RUNX1T1: variants seen among roughly 807,000 people sequenced by gnomAD.
RUNX1T1 encodes the protein protein CBFA2T1.
In RUNX1T1, 4 loss-of-function variants were observed where a neutral mutation model predicts 62.8. The ratio of observed to expected loss-of-function variants is 0.06; its 90% CI spans 0.03 to 0.15. The LOEUF is 0.15. Among genes scored for constraint, RUNX1T1 ranks in the 10% least tolerant of loss-of-function variants. The probability of loss-of-function intolerance (pLI) is 1.00; values close to 1 mark genes in which losing one functional copy is unlikely to be tolerated. For synonymous variants in RUNX1T1, 291 were observed against 286.0 expected (o/e 1.02, Z -0.18); for missense variants, 508 against 754.3 (o/e 0.67, Z 3.82).
intron 10 of RUNX1T1, among the ~76,000 whole-genome samples, chr8:91,970,377 G>A (rs1174410701): frequency 1.3e-5 from 2 of 152,042 alleles, no homozygotes; most frequent in Non-Finnish European, 2.9e-5. Flanking sequence ...GACACACACA[G>A]CCAAGCTATG....
chr8:91,981,357 T>C (rs1189095197), intron 8 of RUNX1T1, among the ~76,000 whole-genome samples: 1 of 149,978 alleles, frequency 6.7e-6, no homozygotes, highest in African/African-American at 2.4e-5. Context: ...ACCAACCCAC[T>C]TGGGACAGGG....
chr8:92,060,583 GTGTA>G (rs1266897046), intron 1 of RUNX1T1, among the ~76,000 whole-genome samples: 13 of 144,514 alleles, frequency 9.0e-5, no homozygotes, highest in Non-Finnish European at 7.6e-5. Flanking sequence ...GTGTGTGTGT[GTGTA>G]TGTTGATATA....
intron 1 of RUNX1T1, among the ~76,000 whole-genome samples, chr8:92,077,149 C>T (rs1268113297): frequency 1.3e-5 from 2 of 151,882 alleles, no homozygotes; most frequent in Non-Finnish European, 2.9e-5. Flanking sequence ...GTTTATGTGC[C>T]ACATTATGAT....
exon 8 of RUNX1T1, chr8:91,986,286 G>C (rs1215496480): frequency 6.2e-7 from 1 of 1,613,718 alleles, no homozygotes; most frequent in Non-Finnish European, 8.5e-7. Context: ...GTGAGAGATC[G>C]CCTTGTTTTT....
At chr8:92,051,738 C>T (rs970964539) in intron 1 of RUNX1T1, among the ~76,000 whole-genome samples, 1 of 151,970 alleles carries the variant, frequency 6.6e-6, no homozygotes, top group African/African-American at 2.4e-5. Context: ...AGAGAGGATG[C>T]CTCAATTGGT....
At chr8:92,038,747 G>A (rs1380395293) in intron 1 of RUNX1T1, among the ~76,000 whole-genome samples, 1 of 152,110 alleles carries the variant, frequency 6.6e-6, no homozygotes, top group Non-Finnish European at 1.5e-5. Flanking sequence ...AGCAAAGTAA[G>A]GTCATGGGTC....
chr8:92,016,216 A>G (rs1822966398), intron 2 of RUNX1T1, among the ~76,000 whole-genome samples: 1 of 152,328 alleles, frequency 6.6e-6, no homozygotes, highest in South Asian at 2.1e-4. Flanking sequence ...GTTACTCACT[A>G]TCCCTAATGA....
At chr8:92,082,370 G>C (rs963500548) in intron 1 of RUNX1T1, among the ~76,000 whole-genome samples, 2 of 152,304 alleles carry the variant, frequency 1.3e-5, no homozygotes, top group Admixed American at 1.3e-4. Context: ...CTCTGGAATA[G>C]TGAAGTCTTG....
chr8:92,039,186 G>C (rs1423427387), intron 1 of RUNX1T1, among the ~76,000 whole-genome samples: 5 of 148,342 alleles, frequency 3.4e-5, no homozygotes, highest in Non-Finnish European at 7.4e-5. Context: ...TTAGGCTGAA[G>C]GGCAGTGATG....
intron 5 of RUNX1T1, among the ~76,000 whole-genome samples, chr8:91,992,239 C>T (rs888885148): frequency 5.9e-5 from 9 of 152,120 alleles, no homozygotes; most frequent in African/African-American, 2.2e-4. Flanking sequence ...TACCCTAAGA[C>T]CGACTGTATT....
intron 4 of RUNX1T1, chr8:92,009,637 A>G (rs1821551820): frequency 7.0e-6 from 1 of 142,024 alleles, no homozygotes; most frequent in Non-Finnish European, 1.5e-5. Flanking sequence ...AACCAGTGGT[A>G]TTTGCACAGG....
At chr8:92,005,177 C>T (rs1438729096) in exon 5 of RUNX1T1, 2 of 1,613,936 alleles carry the variant, frequency 1.2e-6, no homozygotes, top group East Asian at 4.5e-5. Flanking sequence ...GAGGAGTCAA[C>T]AGGTGAGGTG....
chr8:92,086,966 CAT>C (rs1836228482), intron 1 of RUNX1T1, among the ~76,000 whole-genome samples: 1 of 152,216 alleles, frequency 6.6e-6, no homozygotes, highest in African/African-American at 2.4e-5. Context: ...TCTTTGCAAA[CAT>C]AACTGTTATT....
At chr8:92,090,375 G>A (rs1836803255) in intron 1 of RUNX1T1, among the ~76,000 whole-genome samples, 1 of 152,024 alleles carries the variant, frequency 6.6e-6, no homozygotes, top group South Asian at 2.1e-4. Context: ...AACTACGAAA[G>A]GAACAAGACT....
chr8:91,999,516 T>C (rs1394108893), intron 5 of RUNX1T1, among the ~76,000 whole-genome samples: 1 of 152,146 alleles, frequency 6.6e-6, no homozygotes, highest in Non-Finnish European at 1.5e-5. Flanking sequence ...AGCAGGGGCA[T>C]TCAGAGGCTG....
rs59047751 is a variant in RUNX1T1, at chr8:92,032,093, C to CAAA, written c.8-14733_8-14731dup. On this transcript the variant is annotated intron_variant, in intron 1 of 10. Transcript: ENST00000396218. Reference sequence around the variant, plus strand: ...GGGCGGCAGAGCGAGAATCCTGTCTCAAAAAAAAAAAAAAAAAAAAAAAAA... The same window carrying CAAA: ...GGGCGGCAGAGCGAGAATCCTGTCTCAAAAAAAAAAAAAAAAAAAAAAAAAAAA... Among the ~76,000 whole-genome samples, 159 of 29,488 alleles carry CAAA rather than the reference C, an allele frequency of 5.4e-3. 3 individuals are homozygous for CAAA. The highest frequency in any genetic ancestry group is 0.017 in the African/African-American group (96 of 5,538). 19.3% of individuals were successfully genotyped at this position (29,488 alleles called of 152,430 possible).
chr8:92,050,063 T>C (rs1830001751), intron 1 of RUNX1T1, among the ~76,000 whole-genome samples: 1 of 152,180 alleles, frequency 6.6e-6, no homozygotes, highest in Non-Finnish European at 1.5e-5. Flanking sequence ...GTTTGGCTTC[T>C]TCAATGTTAA....
chr8:91,987,168 G>A (rs953005213), intron 6 of RUNX1T1, among the ~76,000 whole-genome samples, 196 bp from the exon 8 acceptor site: 22 of 152,248 alleles, frequency 1.4e-4, no homozygotes, highest in Middle Eastern at 3.4e-3. Context: ...AGAACTAGAA[G>A]GAATTTTAGA....
intron 2 of RUNX1T1, among the ~76,000 whole-genome samples, chr8:92,015,490 G>C (rs911523248): frequency 1.3e-5 from 2 of 152,156 alleles, no homozygotes; most frequent in African/African-American, 4.8e-5. Flanking sequence ...CAAGAGCATG[G>C]AGTGGTGATA....
Sources: gnomAD v4.1 joint callset for allele counts (sites outside exome capture counted in the v4.1 genomes callset) on GRCh38, gnomAD v4.1.1 for gene constraint, MANE v1.5 for transcripts, NCBI Gene and HGNC (gene_info 2026-07-23, HGNC 2026-07-21) for gene names.